SLC4A1: variants seen among roughly 807,000 people sequenced by gnomAD.
SLC4A1 encodes solute carrier family 4 member 1 (Diego blood group).
A neutral mutation model predicts 93.1 loss-of-function variants in SLC4A1; 29 were observed. The observed-to-expected ratio is 0.31, with a 90% confidence interval of 0.23 to 0.42. SLC4A1 has a LOEUF of 0.42. Ranked by LOEUF, SLC4A1 falls within the 20% of genes least tolerant of loss-of-function variation. The pLI, the probability that SLC4A1 is intolerant of heterozygous loss-of-function variation, is 1.00. For missense variants in SLC4A1, 965 were observed against 1,190.1 expected (o/e 0.81, Z 2.78); for synonymous variants, 469 against 497.2 (o/e 0.94, Z 0.76).
At position 44,249,965 on chromosome 17, in the gene SLC4A1, A is replaced by T. The variant is rs2047324165; in HGVS notation, c.*493T>A. ...AGAACAGTCCCTGTGGAGTTTACAA[A>T]GCCCTATTTTACATGTATCTTTGGT... On this transcript the variant is annotated 3_prime_UTR_variant, in exon 20 of 20. Coordinates refer to ENST00000262418, the MANE Select transcript of SLC4A1 (RefSeq NM_000342.4). The T allele has an allele frequency of 5.1e-6, 1 of 195,120 alleles. No homozygotes were observed. Among genetic ancestry groups the T allele is most frequent in the Admixed American group, 5.3e-5 (1 of 18,928 alleles). 12.1% of individuals were successfully genotyped at this position (195,120 alleles called of 1,614,324 possible).
In SLC4A1 at chr17:44,251,720, CTTTTTTTTT is replaced by C. The variant is rs67064853; in HGVS notation, c.2312-141_2312-133del. 707 of 392,896 alleles carry C rather than the reference CTTTTTTTTT, an allele frequency of 1.8e-3. 3 individuals carry two copies. The highest frequency in any genetic ancestry group is 3.3e-3 in the Middle Eastern group (4 of 1,206). The allele number at this position is 392,896 out of a possible 1,614,324, so 24.3% of individuals were successfully genotyped here. ...GCCATTTCTTTTTTCCTTTTCTTTTCTTTTTTTTTTTTTTTTTTTGTTTTTTTTTTTGAG... is the reference window on the plus strand; with the variant it reads ...GCCATTTCTTTTTTCCTTTTCTTTTCTTTTTTTTTTGTTTTTTTTTTTGAG... On this transcript the variant is annotated intron_variant, in intron 17 of 19. Transcript: ENST00000262418.
rs556810486 is a variant in SLC4A1 at position 44,254,068 on chromosome 17, G to A, written c.2057+428C>T. Among the ~76,000 whole-genome samples, 5 of 145,746 alleles carry A rather than the reference G, an allele frequency of 3.4e-5. No individual in the cohort carries two copies. The East Asian group carries it at 1.0e-3, about 30-fold the overall frequency. ...CGGCTCACTGCAACCTCCGCCTCCC[G>A]GGTTCAAGCGATTCTCCTGCCTCAG... On this transcript the variant is annotated intron_variant, in intron 16 of 19. Transcript: ENST00000262418.
intron 16 of SLC4A1, among the ~76,000 whole-genome samples, chr17:44,253,579 C>T (rs779536622): frequency 1.4e-5 from 2 of 140,506 alleles, no homozygotes; most frequent in Admixed American, 7.8e-5. Flanking sequence ...AAGGCTGATT[C>T]GCAGGCAACG....
At chr17:44,263,959 A>G (rs1323632969) in intron 1 of SLC4A1, among the ~76,000 whole-genome samples, 2 of 151,914 alleles carry the variant, frequency 1.3e-5, no homozygotes, top group African/African-American at 2.4e-5. Flanking sequence ...ATCTGTGTGT[A>G]GAAACAGGGT....
intron 18 of SLC4A1, 40 bp from the exon 19 acceptor site, chr17:44,251,372 G>A: frequency 1.9e-6 from 3 of 1,614,196 alleles, no homozygotes; most frequent in Non-Finnish European, 8.5e-7. Context: ...TCACACCCCA[G>A]CACCCTCTAC....
At position 44,258,221 on chromosome 17, in the gene SLC4A1, G is replaced by T. The variant is rs1358497716; in HGVS notation, c.1088-41C>A. 2 of 1,591,500 alleles carry T rather than the reference G, an allele frequency of 1.3e-6. No homozygotes were observed. The highest frequency in any genetic ancestry group is 2.7e-5 in the African/African-American group (2 of 74,428). On this transcript the variant is annotated intron_variant, in intron 10 of 19. Transcript: ENST00000262418. The surrounding 1 kb of genome is among the most constrained non-coding windows in gnomAD (Gnocchi z 6.1). The stretch of plus-strand genomic sequence containing the variant: ...AGAGCATGGTCAGAGGGAGTAGCTG[G>T]AGGAGGTGAGGGGAAAGGGGACTGG...
At position 44,260,722 on chromosome 17, in the gene SLC4A1, G is replaced by C. The variant is rs1457516456; in HGVS notation, c.262C>G (p.Leu88Val). Reference protein sequence around the residue: ...AARWVQLEENLGENGAWGRPH... With the variant: ...AARWVQLEENVGENGAWGRPH... ...CGGCCCCAGGCCCCATTCTCCCCCA[G>C]GTTCTCCTCCAGTTGCACCCAGCGC... The change falls in exon 5 of 20, where the codon CTG becomes GTG. Residue 88 changes from leucine (L) to valine (V), a missense_variant. By Grantham distance (32) the Leu-to-Val change is conservative. Coordinates refer to ENST00000262418, the MANE Select transcript of SLC4A1 (RefSeq NM_000342.4). The C allele has an allele frequency of 1.2e-6, 2 of 1,614,198 alleles. No homozygotes were observed. The highest frequency in any genetic ancestry group is 2.2e-5 in the East Asian group (1 of 44,886).
intron 12 of SLC4A1, 50 bp downstream of exon 12, chr17:44,257,609 C>G: frequency 6.2e-7 from 1 of 1,612,434 alleles, no homozygotes; most frequent in Non-Finnish European, 8.5e-7. Flanking sequence ...ATGCATCAGG[C>G]AGGTGGTGCG....
intron 4 of SLC4A1, 114 bp from the exon 5 acceptor site, chr17:44,260,929 G>C (rs1231445246): frequency 5.6e-5 from 68 of 1,224,334 alleles, no homozygotes; most frequent in Non-Finnish European, 7.5e-5. Context: ...TGTGCTCAAG[G>C]GTCCGTAGAT....
In SLC4A1 at chr17:44,248,520, G is replaced by C. The variant is rs1257297684; in HGVS notation, c.*1938C>G. On this transcript the variant is annotated 3_prime_UTR_variant, in exon 20 of 20. Coordinates refer to ENST00000262418, the MANE Select transcript of SLC4A1 (RefSeq NM_000342.4). ...AGGAGCAAGGGGAGGGGGAGACAGG[G>C]ACATCCCAGTCAAGATAAGGAGGAT... The C allele has an allele frequency of 6.6e-6, 1 of 152,270 alleles. No homozygotes were observed. The highest frequency in any genetic ancestry group is 1.5e-5 in the Non-Finnish European group (1 of 68,116). The allele number at this position is 152,270 out of a possible 1,614,324, so 9.4% of individuals were successfully genotyped here. A position where few individuals can be genotyped will look rare whatever the true frequency, so the allele number is the denominator to read the frequency against.
At chr17:44,261,528 G>C in intron 4 of SLC4A1, 47 bp downstream of exon 4, 3 of 1,614,044 alleles carry the variant, frequency 1.9e-6, no homozygotes, top group Non-Finnish European at 2.5e-6. Context: ...CAAATGGTGG[G>C]TCCCAAAGGC....
intron 12 of SLC4A1, 31 bp downstream of exon 12, chr17:44,257,628 G>A (rs1236434812): frequency 1.2e-6 from 2 of 1,613,434 alleles, no homozygotes; most frequent in Non-Finnish European, 1.7e-6. Context: ...CGGGGGACAT[G>A]ACAGGGTCAG....
At position 44,260,654 on chromosome 17, in the gene SLC4A1, C is replaced by T. The variant is rs2047435360; in HGVS notation, c.330G>A (p.Leu110=). 1.2e-6 allele frequency: 2 copies of T among 1,614,072 alleles called. No homozygotes were observed. Among genetic ancestry groups the T allele is most frequent in the African/African-American group, 1.3e-5 (1 of 74,928 alleles). The change falls in exon 5 of 20, where the codon CTG becomes CTA. Residue 110 remains leucine (L), a synonymous_variant. Coordinates refer to ENST00000262418, the MANE Select transcript of SLC4A1 (RefSeq NM_000342.4). ...SHLTFWSLLE[L]RRVFTKGTVL... is the part of the protein sequence containing the mutation. ...GCTCACCCTTGGTGAAGACTCTACG[C>T]AGCTCTAGGAGGCTCCAGAAGGTGA...
At chr17:44,267,092 C>T (rs950776345) in intron 1 of SLC4A1, among the ~76,000 whole-genome samples, 1 of 152,200 alleles carries the variant, frequency 6.6e-6, no homozygotes, top group Non-Finnish European at 1.5e-5. Context: ...GCTTCAGCCA[C>T]CCAGCAGGTA....
chr17:44,263,954 T>G (rs1054958379), intron 1 of SLC4A1, among the ~76,000 whole-genome samples: 3 of 151,946 alleles, frequency 2.0e-5, no homozygotes, highest in Non-Finnish European at 1.5e-5. Context: ...AAAAAATCTG[T>G]GTGTAGAAAC....
At chr17:44,255,981 A>C (rs1598298619) in intron 13 of SLC4A1, 135 bp from the exon 14 acceptor site, 1 of 837,564 alleles carries the variant, frequency 1.2e-6, no homozygotes. Context: ...CCATTTATCC[A>C]CCCATCCATC....
At position 44,258,432 on chromosome 17, in the gene SLC4A1, G is replaced by A; in HGVS notation, c.1068C>T (p.Ser356=). The A allele has an allele frequency of 1.2e-6, 2 of 1,614,124 alleles. No homozygotes were observed. The highest frequency in any genetic ancestry group is 2.2e-5 in the South Asian group (2 of 91,084). Residue 356 remains serine, a synonymous_variant, in exon 10 of 20, where the codon TCC becomes TCT. Transcript: ENST00000262418. The surrounding 1 kb of genome is among the most constrained non-coding windows in gnomAD (Gnocchi z 6.1). ...RYQSSPAKPD[S]SFYKGLDLNG... ...AGGTACCTAGGCCCTTGTAGAAGCT[G>A]GAGTCTGGCTTGGCAGGGCTGGACT...
chr17:44,257,549 A>G lies in SLC4A1; in HGVS notation c.1432-5T>C. 6.2e-7 allele frequency: 1 copy of G among 1,613,944 alleles called. No homozygotes were observed. Among genetic ancestry groups the G allele is most frequent in the Non-Finnish European group, 8.5e-7 (1 of 1,180,004 alleles). ...TAGACCGTTGGTCTCGCAGAACTGC[A>G]GGGTGGTCAGAAGAAGCCGGTCAGT... On this transcript the variant is annotated splice_polypyrimidine_tract_variant and splice_region_variant and intron_variant, in intron 12 of 19. Coordinates refer to ENST00000262418, the MANE Select transcript of SLC4A1 (RefSeq NM_000342.4).
chr17:44,255,243 G>T lies in SLC4A1; in HGVS notation c.1854C>A (p.Val618=). The T allele has an allele frequency of 6.4e-7, 1 of 1,558,546 alleles. No individual in the cohort carries two copies. The highest frequency in any genetic ancestry group is 2.4e-5 in the East Asian group (1 of 42,450). The change falls in exon 15 of 20, where the codon GTC becomes GTA. Residue 618 remains valine, a synonymous_variant. Transcript: ENST00000262418. ...TATCCTGAATGAAGAAATCCACCAG[G>T]ACCATGATCAGGATGGAGATGGGGA... ...FGVPISILIM[V]LVDFFIQDTY...
Sources: allele counts gnomAD v4.1 joint callset (sites outside exome capture counted in the v4.1 genomes callset), GRCh38; gene constraint gnomAD v4.1.1; non-coding constraint Gnocchi (gnomAD v3.1); transcripts MANE v1.5; gene names NCBI Gene and HGNC (gene_info 2026-07-23, HGNC 2026-07-21).